The following RANBP10 variants were observed in gnomAD, a reference collection of about 807,000 sequenced individuals.
The protein encoded by RANBP10 is RAN binding protein 10.
Under a neutral mutation model 72.8 loss-of-function variants are expected in RANBP10, and 24 were observed. That is an observed-to-expected ratio of 0.33 (90% CI 0.24 to 0.46). The LOEUF (loss-of-function observed/expected upper bound fraction) is 0.46. Among genes scored for constraint, RANBP10 ranks in the 20% least tolerant of loss-of-function variants. The pLI, the probability that RANBP10 is intolerant of heterozygous loss-of-function variation, is 1.00. For missense variants in RANBP10, 679 were observed against 817.5 expected (o/e 0.83, Z 2.07); for synonymous variants, 310 against 322.3 (o/e 0.96, Z 0.41).
In RANBP10 at chr16:67,725,937, G is replaced by A. The variant is rs1012118260; in HGVS notation, c.*491C>T. On this transcript the variant is annotated 3_prime_UTR_variant, in exon 14 of 14. Coordinates refer to ENST00000317506, the MANE Select transcript of RANBP10 (RefSeq NM_020850.3). ...AGAGGTGCTGGACCACTAATGCTAC[G>A]ATAAATACTGTCTTTTTTTTTAATA... The A allele has an allele frequency of 2.6e-5, 4 of 151,012 alleles. No homozygotes were observed. The highest frequency in any genetic ancestry group is 5.9e-5 in the Non-Finnish European group (4 of 67,734). The allele number at this position is 151,012 out of a possible 1,614,324, so 9.4% of individuals were successfully genotyped here.
intron 3 of RANBP10, among the ~76,000 whole-genome samples, chr16:67,767,764 T>G (rs868074628): frequency 2.2e-4 from 34 of 152,228 alleles, no homozygotes; most frequent in African/African-American, 7.5e-4. Flanking sequence ...GCCCGGCTAA[T>G]TTTTTGTATT....
chr16:67,760,794 G>A lies in RANBP10; in HGVS notation c.400+11240C>T, dbSNP rs114520561. On this transcript the variant is annotated intron_variant, in intron 3 of 13. Transcript: ENST00000317506. Reference sequence around the variant, plus strand: ...GCCTGCACTACAGAAATGGCAAGGAGGAAATTATCAACTACCCAGCTCTGA... The same window carrying A: ...GCCTGCACTACAGAAATGGCAAGGAAGAAATTATCAACTACCCAGCTCTGA... Among the ~76,000 whole-genome samples, 273 of 152,312 alleles carry A rather than the reference G, an allele frequency of 1.8e-3. 1 individual carries two copies. The highest frequency in any genetic ancestry group is 6.4e-3 in the African/African-American group (266 of 41,568).
At chr16:67,763,608 C>T (rs1426076183) in intron 3 of RANBP10, 1 of 152,292 alleles carries the variant, frequency 6.6e-6, no homozygotes, top group Non-Finnish European at 1.5e-5. Flanking sequence ...AGCCATCATT[C>T]ATAGGCCTCA....
rs543182564 is a variant in RANBP10, at chr16:67,738,104, G to A, written c.569-69C>T. The A allele has an allele frequency of 7.2e-5, 106 of 1,474,874 alleles. 1 individual carries two copies. The highest frequency in any genetic ancestry group is 1.8e-4 in the Middle Eastern group (1 of 5,638). 91.4% of individuals were successfully genotyped at this position (1,474,874 alleles called of 1,614,324 possible). A position where few individuals can be genotyped will look rare whatever the true frequency, so the allele number is the denominator to read the frequency against. On this transcript the variant is annotated intron_variant, in intron 4 of 13. Transcript: ENST00000317506. Reference sequence around the variant, plus strand: ...TACTCTGCCTCTGCACCCCATGGTGGAGCCAGTGCTAGGGCCGGGTAGTTG... The same window carrying A: ...TACTCTGCCTCTGCACCCCATGGTGAAGCCAGTGCTAGGGCCGGGTAGTTG...
intron 2 of RANBP10, among the ~76,000 whole-genome samples, chr16:67,796,579 C>T (rs1425483562): frequency 6.6e-6 from 1 of 152,108 alleles, no homozygotes; most frequent in African/African-American, 2.4e-5. Flanking sequence ...ATTCTGGGCT[C>T]TGTCTGGACA....
intron 2 of RANBP10, among the ~76,000 whole-genome samples, chr16:67,785,452 T>A (rs1379124512): frequency 6.6e-6 from 1 of 151,230 alleles, no homozygotes; most frequent in East Asian, 2.0e-4. Context: ...TCAAAAGACA[T>A]CATCGGGGCT....
At position 67,754,467 on chromosome 16, in the gene RANBP10, A is replaced by G. The variant is rs145988182; in HGVS notation, c.401-10012T>C. Among the ~76,000 whole-genome samples the G allele has an allele frequency of 4.5e-3, 685 of 152,336 alleles. 1 individual carries two copies. The highest frequency in any genetic ancestry group is 7.0e-3 in the Non-Finnish European group (478 of 68,032). On this transcript the variant is annotated intron_variant, in intron 3 of 13. Transcript: ENST00000317506. ...AAGGGCTACAAAGGACAGGACAAAC[A>G]TGCACCAAAGGCACCAGAAGCCCAA...
At chr16:67,754,334 G>A (rs2054250445) in intron 3 of RANBP10, among the ~76,000 whole-genome samples, 1 of 152,170 alleles carries the variant, frequency 6.6e-6, no homozygotes, top group African/African-American at 2.4e-5. Flanking sequence ...AAACAGTGGT[G>A]TGGACAGAAA....
chr16:67,766,785 C>G (rs1014166737), intron 3 of RANBP10, among the ~76,000 whole-genome samples: 1 of 152,152 alleles, frequency 6.6e-6, no homozygotes, highest in Non-Finnish European at 1.5e-5. Context: ...GAGGGGTGCC[C>G]TTTACTCCAT....
Position 67,791,016 on chromosome 16 carries a change from C to CT in RANBP10, c.347+14411dup, listed in dbSNP as rs919159741. Among the ~76,000 whole-genome samples, 695 of 119,452 alleles carry CT rather than the reference C, an allele frequency of 5.8e-3. 11 individuals carry two copies. The highest frequency in any genetic ancestry group is 0.015 in the African/African-American group (473 of 30,742). 78.4% of individuals were successfully genotyped at this position (119,452 alleles called of 152,430 possible). ...CCTGGCCAGTTTTACCAATTTATTT[C>CT]TTTTTTTTTTTTTTTGAGACAGAGT... On this transcript the variant is annotated intron_variant, in intron 2 of 13. Transcript: ENST00000317506.
chr16:67,741,563 C>T (rs1446543513), intron 4 of RANBP10, among the ~76,000 whole-genome samples: 3 of 152,202 alleles, frequency 2.0e-5, no homozygotes, highest in African/African-American at 4.8e-5. Context: ...TGTGGGAAAG[C>T]ACAGAGTTGT....
In RANBP10 at chr16:67,726,124, T is replaced by G; in HGVS notation, c.*304A>C. ...TGGTGGCTCAGTCAGGAGAAAAAAA[T>G]TTAAAAACCCCAACCCCTCCTCAAA... On this transcript the variant is annotated 3_prime_UTR_variant, in exon 14 of 14. Coordinates refer to ENST00000317506, the MANE Select transcript of RANBP10 (RefSeq NM_020850.3). 1 of 312,914 alleles carries G rather than the reference T, an allele frequency of 3.2e-6. No homozygotes were observed. 19.4% of individuals were successfully genotyped at this position (312,914 alleles called of 1,614,324 possible). A position where few individuals can be genotyped will look rare whatever the true frequency, so the allele number is the denominator to read the frequency against.
Position 67,738,029 on chromosome 16 carries a change from G to C in RANBP10, c.575C>G (p.Ala192Gly), listed in dbSNP as rs766964443. 1.3e-6 allele frequency: 2 copies of C among 1,590,412 alleles called. No homozygotes were observed. Among genetic ancestry groups the C allele is most frequent in the Admixed American group, 3.5e-5 (2 of 57,050 alleles). Residue 192 changes from alanine to glycine, a missense_variant, in exon 5 of 14, where the codon GCC (alanine) becomes GGC (glycine). By Grantham distance (60) the Ala-to-Gly change is moderately conservative. Coordinates refer to ENST00000317506, the MANE Select transcript of RANBP10 (RefSeq NM_020850.3). The part of the protein sequence containing the change: ...YTKNGHSLGI[A>G]FTDLPANLYP... ...AGTACTCACCGGGAGGTCTGTGAAGGCTATACCTGTGGGGGGAAAGGAACA... is the reference window on the plus strand; with the variant it reads ...AGTACTCACCGGGAGGTCTGTGAAGCCTATACCTGTGGGGGGAAAGGAACA...
intron 4 of RANBP10, among the ~76,000 whole-genome samples, chr16:67,740,689 G>A (rs2143004963): frequency 6.6e-6 from 1 of 152,306 alleles, no homozygotes; most frequent in African/African-American, 2.4e-5. Context: ...AACCTTGGAA[G>A]ATGTATACTA....
At chr16:67,772,206 C>G (rs954659666) in intron 2 of RANBP10, 120 bp from the exon 3 acceptor site, 1 of 1,055,656 alleles carries the variant, frequency 9.5e-7, no homozygotes, top group Admixed American at 2.7e-5. Context: ...AATGTAGAGG[C>G]TCTTATAACA....
At chr16:67,733,582 T>C in intron 6 of RANBP10, among the ~76,000 whole-genome samples, 1 of 152,186 alleles carries the variant, frequency 6.6e-6, no homozygotes, top group Non-Finnish European at 1.5e-5. Flanking sequence ...TTAAATGAAG[T>C]TATGTAAAAC....
In RANBP10 at chr16:67,726,353, G is replaced by C. The variant is rs2053598651; in HGVS notation, c.*75C>G. 1 of 1,594,606 alleles carries C rather than the reference G, an allele frequency of 6.3e-7. No homozygotes were observed. Among genetic ancestry groups the C allele is most frequent in the Non-Finnish European group, 8.5e-7 (1 of 1,170,560 alleles). On this transcript the variant is annotated 3_prime_UTR_variant, in exon 14 of 14. Coordinates refer to ENST00000317506, the MANE Select transcript of RANBP10 (RefSeq NM_020850.3). ...CTATGGTTTCCCAGTCCCTGCACCA[G>C]TTGCCTATGGAGGGCAGGGCAGCTC...
intron 2 of RANBP10, among the ~76,000 whole-genome samples, chr16:67,798,474 AGTGGCTCTCTAG>A (rs957560723): frequency 2.0e-5 from 3 of 152,230 alleles, no homozygotes; most frequent in African/African-American, 7.2e-5. Flanking sequence ...CTTAATTAAC[AGTGGCTCTCTAG>A]GTCTCCATGG....
chr16:67,731,285 C>T (rs1434795419), intron 7 of RANBP10, 187 bp downstream of exon 7: 2 of 558,836 alleles, frequency 3.6e-6, no homozygotes, highest in African/African-American at 3.8e-5. Flanking sequence ...ACGTCTCCAT[C>T]CTGCCAACTG....
Sources: gnomAD v4.1 joint callset for allele counts (sites outside exome capture counted in the v4.1 genomes callset) on GRCh38, gnomAD v4.1.1 for gene constraint, MANE v1.5 for transcripts, NCBI Gene and HGNC (gene_info 2026-07-23, HGNC 2026-07-21) for gene names.